The following AFF1 variants were observed in gnomAD, a reference collection of about 807,000 sequenced individuals.
AFF1 encodes the protein AF4/FMR2 family member 1.
Under a neutral mutation model 121.7 loss-of-function variants are expected in AFF1, and 48 were observed. The ratio of observed to expected loss-of-function variants is 0.39; its 90% CI spans 0.31 to 0.50. AFF1 has a LOEUF of 0.50. Among genes scored for constraint, AFF1 ranks in the 20% least tolerant of loss-of-function variants. AFF1 has a pLI of 0.76. For synonymous variants in AFF1, 613 were observed against 563.0 expected (o/e 1.09, Z -1.26); for missense variants, 1,523 against 1,511.7 (o/e 1.01, Z -0.12).
chr4:87,057,662 T>G (rs532785940), intron 4 of AFF1, among the ~76,000 whole-genome samples: 24 of 152,170 alleles, frequency 1.6e-4, no homozygotes, highest in Non-Finnish European at 2.8e-4. Flanking sequence ...GGAAGACTGA[T>G]CGTATTGTTT....
intron 8 of AFF1, among the ~76,000 whole-genome samples, chr4:87,096,915 T>C (rs1484235625): frequency 6.6e-6 from 1 of 152,162 alleles, no homozygotes; most frequent in African/African-American, 2.4e-5. Flanking sequence ...CTTTATGTTT[T>C]TGGAAATTTT....
intron 2 of AFF1, among the ~76,000 whole-genome samples, chr4:87,040,419 T>C (rs1372491512): frequency 6.6e-6 from 1 of 152,236 alleles, no homozygotes; most frequent in Non-Finnish European, 1.5e-5. Flanking sequence ...TAGCACACTT[T>C]AGCACACCTT....
At chr4:87,043,140 G>A (rs2149606123) in intron 2 of AFF1, among the ~76,000 whole-genome samples, 1 of 152,300 alleles carries the variant, frequency 6.6e-6, no homozygotes, top group Admixed American at 6.5e-5. Flanking sequence ...TATTTAGAAG[G>A]GGCGGAGCTC....
chr4:87,106,173 A>C (rs1389213717), intron 10 of AFF1, among the ~76,000 whole-genome samples: 1 of 152,194 alleles, frequency 6.6e-6, no homozygotes, highest in African/African-American at 2.4e-5. Context: ...ACTTGAGGTC[A>C]GGAGTTCGAG....
chr4:87,053,579 A>C (rs1429703023), intron 4 of AFF1, among the ~76,000 whole-genome samples: 1 of 152,220 alleles, frequency 6.6e-6, no homozygotes, highest in Non-Finnish European at 1.5e-5. Flanking sequence ...CCGATGGTGC[A>C]CATCCTGCTC....
chr4:87,113,443 T>C (rs940808333), intron 11 of AFF1, among the ~76,000 whole-genome samples: 1 of 152,116 alleles, frequency 6.6e-6, no homozygotes, highest in African/African-American at 2.4e-5. Context: ...GCTAATTTTT[T>C]AGTTTTTTGT....
At chr4:86,957,824 G>T (rs1240887293) in intron 2 of AFF1, among the ~76,000 whole-genome samples, 1 of 152,084 alleles carries the variant, frequency 6.6e-6, no homozygotes, top group Non-Finnish European at 1.5e-5. Context: ...TTACAGGCGT[G>T]AGCCACCATG....
intron 13 of AFF1, 111 bp downstream of exon 13, chr4:87,125,254 A>C: frequency 1.5e-6 from 1 of 684,134 alleles, no homozygotes; most frequent in Non-Finnish European, 2.3e-6. Flanking sequence ...TAATAAACTC[A>C]AGCTCATTTG....
intron 2 of AFF1, among the ~76,000 whole-genome samples, chr4:86,963,963 G>GTT (rs3035477): frequency 0.044 from 4,546 of 104,286 alleles, 366 homozygotes; most frequent in African/African-American, 0.16. Context: ...GACTAGACTG[G>GTT]TTTTTTTTTT....
At chr4:87,001,984 C>T (rs963671441) in intron 2 of AFF1, among the ~76,000 whole-genome samples, 1 of 152,024 alleles carries the variant, frequency 6.6e-6, no homozygotes, top group African/African-American at 2.4e-5. Context: ...GACGTTTAGA[C>T]CAAAAATGCT....
chr4:87,007,520 G>A, intron 2 of AFF1: 1 of 1,527,226 alleles, frequency 6.5e-7, no homozygotes, highest in Non-Finnish European at 9.1e-7. Flanking sequence ...GAGACGGACA[G>A]GAAGCAGCTT....
At chr4:87,036,810 C>G (rs956585620) in intron 2 of AFF1, 1 of 513,970 alleles carries the variant, frequency 1.9e-6, no homozygotes, top group Non-Finnish European at 3.9e-6. Flanking sequence ...CAAGTATCTG[C>G]TTTTTTTCTC....
chr4:86,976,361 A>G (rs1410250309), intron 2 of AFF1, among the ~76,000 whole-genome samples: 1 of 152,206 alleles, frequency 6.6e-6, no homozygotes, highest in Non-Finnish European at 1.5e-5. Context: ...GGAATCAACC[A>G]TGGAATCAAC....
intron 2 of AFF1, among the ~76,000 whole-genome samples, chr4:87,007,620 A>G (rs1726297703): frequency 3.3e-5 from 5 of 152,214 alleles, no homozygotes; most frequent in Admixed American, 3.3e-4. Context: ...CAATTTCTGC[A>G]CAGCGGAGAG....
At chr4:87,033,880 G>A (rs1368476388) in intron 2 of AFF1, among the ~76,000 whole-genome samples, 1 of 152,104 alleles carries the variant, frequency 6.6e-6, no homozygotes, top group African/African-American at 2.4e-5. Context: ...TGTATGTAGA[G>A]TTAGATGTGC....
chr4:86,959,981 G>A (rs952365509), intron 2 of AFF1, among the ~76,000 whole-genome samples: 4 of 152,144 alleles, frequency 2.6e-5, no homozygotes, highest in African/African-American at 9.7e-5. Flanking sequence ...GACTGCTGTT[G>A]GAGTAGTTGA....
intron 6 of AFF1, 74 bp downstream of exon 6, chr4:87,090,144 T>A: frequency 8.4e-7 from 1 of 1,197,180 alleles, no homozygotes; most frequent in Non-Finnish European, 1.2e-6. Flanking sequence ...TGAGGCAGAT[T>A]GATAAAGTAT....
chr4:87,040,351 A>C (rs17702203), intron 2 of AFF1, among the ~76,000 whole-genome samples: 20,469 of 152,156 alleles, frequency 0.13, 1,862 homozygotes, highest in Middle Eastern at 0.23. Context: ...GGCGGAGATG[A>C]TACTAAATTG....
intron 2 of AFF1, among the ~76,000 whole-genome samples, chr4:86,954,271 A>G (rs1220566543): frequency 6.6e-6 from 1 of 152,252 alleles, no homozygotes; most frequent in Non-Finnish European, 1.5e-5. Context: ...GGGGTAAAAT[A>G]TCTACATGAC....
Sources: allele counts gnomAD v4.1 joint callset (sites outside exome capture counted in the v4.1 genomes callset), GRCh38; gene constraint gnomAD v4.1.1; transcripts MANE v1.5; gene names NCBI Gene and HGNC (gene_info 2026-07-23, HGNC 2026-07-21).